Variants in IRAG2 observed in about 807,000 individuals in gnomAD.
The protein encoded by IRAG2 is inositol 1,4,5-triphosphate receptor associated 2.
A neutral mutation model predicts 69.9 loss-of-function variants in IRAG2; 45 were observed. The observed-to-expected ratio is 0.64, with a 90% CI of 0.51 to 0.83. The LOEUF (loss-of-function observed/expected upper bound fraction) is 0.83, where lower values mean the gene tolerates loss of function less well. Among genes scored for constraint, IRAG2 ranks in the 40% least tolerant of loss-of-function variants. IRAG2 has a pLI of 0.00. For synonymous variants in IRAG2, 193 were observed against 202.4 expected (o/e 0.95, Z 0.40); for missense variants, 520 against 587.0 (o/e 0.89, Z 1.18).
chr12:24,998,623 C>T, the IRAG2 span, among the ~76,000 whole-genome samples: 2 of 152,062 alleles, frequency 1.3e-5, no homozygotes, highest in African/African-American at 4.8e-5. Flanking sequence ...AGTTTAGTGG[C>T]ATCTAATCAT....
Position 25,096,864 on chromosome 12 carries a change from T to G in IRAG2, c.607-46T>G, listed in dbSNP as rs370328803. On this transcript the variant is annotated intron_variant, in intron 14 of 21. Transcript: ENST00000556887. Reference sequence around the variant, plus strand: ...CTTAGTCAGTGTTAGAATCACTCGCTGAATGCTTGTGTTAGATATCTTTTA... The same window carrying G: ...CTTAGTCAGTGTTAGAATCACTCGCGGAATGCTTGTGTTAGATATCTTTTA... 8 of 1,537,162 alleles carry G rather than the reference T, an allele frequency of 5.2e-6. No individual in the cohort carries two copies. In the African/African-American group the frequency reaches 1.1e-4, roughly 21 times the overall value.
intron 6 of IRAG2, among the ~76,000 whole-genome samples, chr12:25,078,741 T>TAA (rs1261166371): frequency 1.3e-5 from 2 of 152,192 alleles, no homozygotes; most frequent in African/African-American, 4.8e-5. Flanking sequence ...GAGAATCAAG[T>TAA]AATAGGTGCT....
intron 5 of IRAG2, among the ~76,000 whole-genome samples, chr12:25,067,474 G>A (rs1473282946): frequency 2.0e-5 from 3 of 152,090 alleles, no homozygotes; most frequent in Admixed American, 6.6e-5. Context: ...CACAAGGCTG[G>A]TCCCTGCTTG....
At chr12:25,055,203 T>G (rs751218941) in intron 1 of IRAG2, among the ~76,000 whole-genome samples, 10 of 152,250 alleles carry the variant, frequency 6.6e-5, no homozygotes, top group Non-Finnish European at 1.2e-4. Context: ...AATTTATATG[T>G]GATGTTTGAT....
chr12:25,101,363 T>G (rs772185110), intron 16 of IRAG2, 38 bp downstream of exon 16: 1 of 1,441,138 alleles, frequency 6.9e-7, no homozygotes, highest in African/African-American at 1.4e-5. Context: ...AGTTGTGTTT[T>G]TCTACATTCT....
At chr12:25,096,782 GCTT>G (rs1948446533) in intron 14 of IRAG2, 125 bp from the exon 15 acceptor site, 4 of 697,312 alleles carry the variant, frequency 5.7e-6, no homozygotes, top group South Asian at 2.1e-5. Context: ...GATCTTTGCT[GCTT>G]CTTTTCATCT....
At chr12:25,008,198 A>G (rs1421871011) in intron 2 of IRAG2, among the ~76,000 whole-genome samples, 2 of 152,254 alleles carry the variant, frequency 1.3e-5, no homozygotes, top group Non-Finnish European at 2.9e-5. Context: ...AAATACATCT[A>G]TAATGAGAAA....
At chr12:25,096,612 T>C (rs1260276394) in intron 14 of IRAG2, among the ~76,000 whole-genome samples, 1 of 152,222 alleles carries the variant, frequency 6.6e-6, no homozygotes, top group African/African-American at 2.4e-5. Flanking sequence ...CCATTACCAA[T>C]TAATTGCAGC....
chr12:25,046,196 A>G (rs983189950), intron 16 of IRAG2, among the ~76,000 whole-genome samples: 3 of 152,172 alleles, frequency 2.0e-5, no homozygotes, highest in African/African-American at 7.2e-5. Context: ...TTAAGAAACT[A>G]GGAATAGAAG....
At chr12:25,036,019 T>G (rs1944699614) in intron 14 of IRAG2, among the ~76,000 whole-genome samples, 1 of 152,214 alleles carries the variant, frequency 6.6e-6, no homozygotes, top group Non-Finnish European at 1.5e-5. Flanking sequence ...CTTGAGGTTA[T>G]TTTTTCCTGT....
rs1402155260 is a variant in IRAG2, at chr12:25,015,276, C to T, written c.976+15C>T. The T allele has an allele frequency of 2.5e-6, 3 of 1,224,020 alleles. No homozygotes were observed. In the African/African-American group the frequency reaches 4.8e-5, roughly 20 times the overall value. 75.8% of individuals were successfully genotyped at this position (1,224,020 alleles called of 1,614,324 possible). A position where few individuals can be genotyped will look rare whatever the true frequency, so the allele number is the denominator to read the frequency against. On this transcript the variant is annotated intron_variant, in intron 4 of 38. Coordinates refer to the IRAG2 transcript ENST00000636465. ...AGATGGAACAAGTATGTATGTGTTTCTTCAGGATTGTTCTGTTTTCTTACG... is the reference window on the plus strand; with the variant it reads ...AGATGGAACAAGTATGTATGTGTTTTTTCAGGATTGTTCTGTTTTCTTACG...
chr12:25,001,770 GTT>G (rs71063385), upstream of IRAG2, among the ~76,000 whole-genome samples: 13 of 135,964 alleles, frequency 9.6e-5, no homozygotes, highest in African/African-American at 2.5e-4. Flanking sequence ...TACTCTTTTG[GTT>G]TTTTTTTTTT....
chr12:25,074,156 GA>G, intron 6 of IRAG2, among the ~76,000 whole-genome samples: 1 of 152,228 alleles, frequency 6.6e-6, no homozygotes, highest in South Asian at 2.1e-4. Context: ...TTCTTTTGAG[GA>G]TTCAAATAAA....
intron 11 of IRAG2, 138 bp downstream of exon 11, chr12:25,088,295 T>C (rs1213775702): frequency 6.0e-6 from 4 of 668,528 alleles, no homozygotes; most frequent in South Asian, 3.7e-5. Flanking sequence ...GGACCGATTA[T>C]TGATTCCATT....
At chr12:25,087,804 C>T (rs1363948298) in intron 10 of IRAG2, among the ~76,000 whole-genome samples, 1 of 152,102 alleles carries the variant, frequency 6.6e-6, no homozygotes, top group Non-Finnish European at 1.5e-5. Context: ...GCATTAGATT[C>T]CCACGAACCC....
At chr12:25,038,251 AC>A (rs778367472) in intron 16 of IRAG2, 3 of 395,314 alleles carry the variant, frequency 7.6e-6, no homozygotes, top group Non-Finnish European at 1.3e-5. Flanking sequence ...TTCAGATGAT[AC>A]TTTTTTCAGA....
chr12:25,077,277 A>ATATATG (rs1565562885), intron 6 of IRAG2, among the ~76,000 whole-genome samples: 1 of 21,824 alleles, frequency 4.6e-5, no homozygotes, highest in African/African-American at 1.5e-4. Flanking sequence ...ATATATATGA[A>ATATATG]ATATATATGA....
At chr12:25,084,252 TG>T (rs1246936636) in intron 10 of IRAG2, among the ~76,000 whole-genome samples, 1 of 152,032 alleles carries the variant, frequency 6.6e-6, no homozygotes, top group African/African-American at 2.4e-5. Flanking sequence ...CTGCCGGGTA[TG>T]GTGGTGCTTG....
chr12:25,030,570 A>G (rs1944661467), intron 10 of IRAG2, among the ~76,000 whole-genome samples: 1 of 152,126 alleles, frequency 6.6e-6, no homozygotes, highest in South Asian at 2.1e-4. Flanking sequence ...TATTTTTAGT[A>G]GAGACGGGGT....
Sources: allele counts gnomAD v4.1 joint callset (sites outside exome capture counted in the v4.1 genomes callset), GRCh38; gene constraint gnomAD v4.1.1; transcripts MANE v1.5; gene names NCBI Gene and HGNC (gene_info 2026-07-23, HGNC 2026-07-21).